Variants in SLC25A26 observed in about 807,000 individuals in gnomAD.
SLC25A26 encodes mitochondrial S-adenosylmethionine carrier protein.
A neutral mutation model predicts 37.8 loss-of-function variants in SLC25A26; 36 were observed. That is an observed-to-expected ratio of 0.95 (90% CI 0.73 to 1.26). The LOEUF is 1.26. Ranked by LOEUF, SLC25A26 falls within the 50% of genes most tolerant of loss-of-function variation. The pLI is 0.00. For missense variants in SLC25A26, 390 were observed against 331.1 expected (o/e 1.18, Z -1.38); for synonymous variants, 129 against 122.5 (o/e 1.05, Z -0.35).
rs1212142217 is a variant in SLC25A26 at position 66,209,090 on chromosome 3, G to GTATA, written c.-353-11631_-353-11628dup. On this transcript the variant is annotated intron_variant, in intron 1 of 10. Coordinates refer to the SLC25A26 transcript ENST00000676754. ...TACACACACACACCCATATAAAGAT[G>GTATA]TATATATATATATATATATATATAC... is the stretch of plus-strand genomic sequence containing the variant. Among the ~76,000 whole-genome samples the GTATA allele has an allele frequency of 7.5e-3, 349 of 46,354 alleles. 1 individual carries two copies. Among genetic ancestry groups the GTATA allele is most frequent in the African/African-American group, 0.022 (328 of 15,090 alleles). 30.4% of individuals were successfully genotyped at this position (46,354 alleles called of 152,430 possible).
intron 3 of SLC25A26, among the ~76,000 whole-genome samples, chr3:66,258,355 C>A (rs2073387943): frequency 6.6e-6 from 1 of 152,104 alleles, no homozygotes; most frequent in African/African-American, 2.4e-5. Context: ...AGCTGGGTGG[C>A]TGGGTAGAAG....
At chr3:66,213,216 G>A (rs1419530248) in intron 1 of SLC25A26, among the ~76,000 whole-genome samples, 2 of 151,586 alleles carry the variant, frequency 1.3e-5, no homozygotes, top group African/African-American at 4.8e-5. Flanking sequence ...CTTGGCCAAC[G>A]TGGTGAAACC....
intron 5 of SLC25A26, among the ~76,000 whole-genome samples, chr3:66,334,178 A>G (rs932919423): frequency 2.6e-5 from 4 of 152,200 alleles, no homozygotes; most frequent in Non-Finnish European, 4.4e-5. Context: ...GAGAAGATTG[A>G]TGATACTTCC....
chr3:66,243,829 G>A (rs1018517423), intron 3 of SLC25A26, among the ~76,000 whole-genome samples: 17 of 152,282 alleles, frequency 1.1e-4, no homozygotes, highest in African/African-American at 3.8e-4. Context: ...CCATGTTGAC[G>A]TTTGGCTTCC....
chr3:66,186,527 TA>T (rs2070831279), intron 1 of SLC25A26, among the ~76,000 whole-genome samples: 1 of 152,066 alleles, frequency 6.6e-6, no homozygotes, highest in Non-Finnish European at 1.5e-5. Context: ...TACCTGACCC[TA>T]ACCTTTACCC....
At chr3:66,151,023 G>T (rs2070200553) in intron 1 of SLC25A26, among the ~76,000 whole-genome samples, 1 of 151,998 alleles carries the variant, frequency 6.6e-6, no homozygotes. Context: ...ACACCGGGAA[G>T]CAGGTACTGT....
At chr3:66,365,127 G>T (rs1003966680) in intron 7 of SLC25A26, among the ~76,000 whole-genome samples, 2 of 152,070 alleles carry the variant, frequency 1.3e-5, no homozygotes, top group East Asian at 3.9e-4. Context: ...AGAGATGAAG[G>T]ATGTCTTGTG....
intron 5 of SLC25A26, among the ~76,000 whole-genome samples, chr3:66,309,521 C>G (rs1056818934): frequency 1.3e-5 from 2 of 151,728 alleles, no homozygotes; most frequent in African/African-American, 4.8e-5. Flanking sequence ...CTGCTCTGAT[C>G]TTAATTATTT....
chr3:66,376,232 G>A (rs1700644066), intron 9 of SLC25A26, among the ~76,000 whole-genome samples: 1 of 152,024 alleles, frequency 6.6e-6, no homozygotes. Context: ...GAACACTGTT[G>A]AAATTACAAT....
upstream of SLC25A26, among the ~76,000 whole-genome samples, chr3:66,216,621 G>A (rs1368983232): frequency 7.0e-6 from 1 of 143,430 alleles, no homozygotes; most frequent in Admixed American, 7.0e-5. Flanking sequence ...TTTTGTTTTT[G>A]TTTTTTTTTT....
chr3:66,206,348 T>A (rs2071177083), intron 1 of SLC25A26, among the ~76,000 whole-genome samples: 1 of 152,128 alleles, frequency 6.6e-6, no homozygotes, highest in African/African-American at 2.4e-5. Context: ...CTGAGGTAGA[T>A]CCAGGGCTGC....
chr3:66,247,081 G>C (rs2072880898), intron 3 of SLC25A26, among the ~76,000 whole-genome samples: 1 of 151,798 alleles, frequency 6.6e-6, no homozygotes, highest in Admixed American at 6.6e-5. Context: ...AGCCAGGATG[G>C]TCTTGATCTC....
intron 5 of SLC25A26, among the ~76,000 whole-genome samples, chr3:66,289,401 C>T (rs1084529): frequency 0.37 from 56,344 of 152,060 alleles, 12,389 homozygotes; most frequent in East Asian, 0.64. Context: ...TTTGCCCATG[C>T]CTGTGTCCTG....
At chr3:66,354,157 AT>A (rs547819510) in intron 6 of SLC25A26, among the ~76,000 whole-genome samples, 8,307 of 145,172 alleles carry the variant, frequency 0.057, 245 homozygotes, top group South Asian at 0.084. Context: ...GTGAGAATGC[AT>A]TTTTTTTTTT....
intron 3 of SLC25A26, among the ~76,000 whole-genome samples, chr3:66,246,925 G>A (rs1269757003): frequency 1.3e-5 from 2 of 152,090 alleles, no homozygotes; most frequent in African/African-American, 2.4e-5. Context: ...GCAGTGGCGC[G>A]ATCTCGGCTC....
intron 5 of SLC25A26, among the ~76,000 whole-genome samples, chr3:66,279,691 A>T (rs1241972545): frequency 6.6e-6 from 1 of 152,116 alleles, no homozygotes; most frequent in African/African-American, 2.4e-5. Context: ...ATTCTTAGAA[A>T]AGTATTTTGA....
At chr3:66,364,075 A>T (rs1394421075) in intron 7 of SLC25A26, among the ~76,000 whole-genome samples, 1 of 152,092 alleles carries the variant, frequency 6.6e-6, no homozygotes, top group Non-Finnish European at 1.5e-5. Context: ...CGCATTATGG[A>T]AATTAAGTCA....
chr3:66,277,281 C>T (rs754026734), intron 5 of SLC25A26, among the ~76,000 whole-genome samples: 2 of 152,024 alleles, frequency 1.3e-5, no homozygotes, highest in South Asian at 2.1e-4. Flanking sequence ...TCCAGAAATA[C>T]GTCACTATGC....
chr3:66,304,202 T>TA, intron 5 of SLC25A26, among the ~76,000 whole-genome samples: 1 of 152,328 alleles, frequency 6.6e-6, no homozygotes, highest in East Asian at 1.9e-4. Flanking sequence ...TGATTAAATG[T>TA]AACTTCGTCA....
Sources: gnomAD v4.1 joint callset for allele counts (sites outside exome capture counted in the v4.1 genomes callset) on GRCh38, gnomAD v4.1.1 for gene constraint, MANE v1.5 for transcripts, NCBI Gene and HGNC (gene_info 2026-07-23, HGNC 2026-07-21) for gene names.